Variants in FUT9 observed in about 807,000 individuals in gnomAD.
FUT9 encodes fucosyltransferase 9, also known as 4-galactosyl-N-acetylglucosaminide 3-alpha-L-fucosyltransferase 9.
In FUT9, 15 loss-of-function variants were observed where a neutral mutation model predicts 29.7. That is an observed-to-expected ratio of 0.51 (90% CI 0.34 to 0.78). The LOEUF (loss-of-function observed/expected upper bound fraction) is 0.78. Ranked by LOEUF, FUT9 falls within the 30% of genes least tolerant of loss-of-function variation. The pLI is 0.01. For missense variants in FUT9, 319 were observed against 425.4 expected, an observed-to-expected ratio of 0.75 and a Z score of 2.20; for synonymous variants, 169 against 153.7, an observed-to-expected ratio of 1.10 and a Z score of -0.74.
Position 96,211,748 on chromosome 6 carries a change from C to G in FUT9, c.*7513C>G, listed in dbSNP as rs915864337. 3.2e-5 allele frequency: 6 copies of G among 188,428 alleles called. No homozygotes were observed. The highest frequency in any genetic ancestry group is 1.4e-4 in the African/African-American group (6 of 42,350). The allele number at this position is 188,428 out of a possible 1,614,324, so 11.7% of individuals were successfully genotyped here. A position where few individuals can be genotyped will look rare whatever the true frequency, so the allele number is the denominator to read the frequency against. On this transcript the variant is annotated 3_prime_UTR_variant, in exon 3 of 3. Transcript: ENST00000302103. ...AAAAAAGTAGGCTCAAGGAAAATTTCTATTTTTCTATATGAAAAAGAGAAT... is the reference window on the plus strand; with the variant it reads ...AAAAAAGTAGGCTCAAGGAAAATTTGTATTTTTCTATATGAAAAAGAGAAT...
chr6:96,179,065 A>G (rs1773259340), intron 2 of FUT9, among the ~76,000 whole-genome samples: 1 of 152,084 alleles, frequency 6.6e-6, no homozygotes, highest in African/African-American at 2.4e-5. Flanking sequence ...CATTCTCTCA[A>G]TGCAATGAAA....
At chr6:96,100,003 A>G (rs1027233095) in intron 1 of FUT9, among the ~76,000 whole-genome samples, 4 of 152,154 alleles carry the variant, frequency 2.6e-5, no homozygotes, top group Non-Finnish European at 5.9e-5. Context: ...AAATGCTAAC[A>G]TTGGGTGAGA....
chr6:96,024,236 T>C (rs1770123438), intron 1 of FUT9, among the ~76,000 whole-genome samples: 1 of 151,812 alleles, frequency 6.6e-6, no homozygotes, highest in African/African-American at 2.4e-5. Context: ...TTTCCTGAAA[T>C]TCCCCAACAT....
chr6:96,136,591 T>C (rs1200004592), intron 2 of FUT9, among the ~76,000 whole-genome samples: 1 of 152,012 alleles, frequency 6.6e-6, no homozygotes, highest in Non-Finnish European at 1.5e-5. Flanking sequence ...TCCTTTTGAA[T>C]ACTATGTATC....
At chr6:96,037,236 C>T (rs1260935192) in intron 1 of FUT9, 2 of 151,850 alleles carry the variant, frequency 1.3e-5, no homozygotes, top group African/African-American at 4.8e-5. Flanking sequence ...TTGAATCAGT[C>T]CCATTTTTAG....
At chr6:96,141,292 A>G (rs1562140154) in intron 2 of FUT9, among the ~76,000 whole-genome samples, 1 of 152,190 alleles carries the variant, frequency 6.6e-6, no homozygotes, top group Non-Finnish European at 1.5e-5. Context: ...TTGGAATACT[A>G]CTAGTTATCA....
intron 1 of FUT9, among the ~76,000 whole-genome samples, chr6:96,058,610 C>G (rs891723449): frequency 1.3e-5 from 2 of 151,520 alleles, no homozygotes; most frequent in South Asian, 4.2e-4. Context: ...TAAAAAAATA[C>G]AAACGAATGT....
At chr6:96,050,586 T>A (rs1770648077) in intron 1 of FUT9, among the ~76,000 whole-genome samples, 1 of 152,234 alleles carries the variant, frequency 6.6e-6, no homozygotes, top group African/African-American at 2.4e-5. Context: ...TTAAAAGTAT[T>A]TAAATGCCTA....
intron 1 of FUT9, among the ~76,000 whole-genome samples, chr6:96,029,885 T>C (rs1267086804): frequency 6.6e-6 from 1 of 151,432 alleles, no homozygotes; most frequent in Non-Finnish European, 1.5e-5. Flanking sequence ...AGGTGAGAAG[T>C]GAAAGGAAAT....
chr6:96,033,854 A>G (rs1445559345), intron 1 of FUT9, among the ~76,000 whole-genome samples: 4 of 151,752 alleles, frequency 2.6e-5, no homozygotes, highest in Non-Finnish European at 3.0e-5. Context: ...ACACAAATGC[A>G]CATATACATA....
chr6:96,022,114 G>C (rs1465491127), intron 1 of FUT9, among the ~76,000 whole-genome samples: 1 of 151,960 alleles, frequency 6.6e-6, no homozygotes, highest in Non-Finnish European at 1.5e-5. Flanking sequence ...AGGAAAAATG[G>C]GGAAATCTTT....
chr6:96,167,270 T>C (rs1168575108), intron 2 of FUT9, among the ~76,000 whole-genome samples: 1 of 152,106 alleles, frequency 6.6e-6, no homozygotes, highest in Non-Finnish European at 1.5e-5. Flanking sequence ...AAAATAATAA[T>C]AAAGATCTTG....
intron 1 of FUT9, among the ~76,000 whole-genome samples, chr6:96,080,532 A>G (rs1409429546): frequency 6.6e-6 from 1 of 152,024 alleles, no homozygotes; most frequent in Non-Finnish European, 1.5e-5. Context: ...GGTATTACAA[A>G]TAAAACACTA....
intron 2 of FUT9, among the ~76,000 whole-genome samples, chr6:96,178,057 C>T (rs891492726): frequency 6.6e-6 from 1 of 152,068 alleles, no homozygotes; most frequent in Admixed American, 6.6e-5. Flanking sequence ...TGGGGTCCAC[C>T]TACACTGCCA....
At chr6:96,200,927 T>TCTAA (rs1199874330) in intron 2 of FUT9, among the ~76,000 whole-genome samples, 1 of 152,066 alleles carries the variant, frequency 6.6e-6, no homozygotes, top group Admixed American at 6.6e-5. Context: ...CTAATATTTA[T>TCTAA]TATTGCTGAA....
At chr6:96,140,021 A>C (rs1015324872) in intron 2 of FUT9, among the ~76,000 whole-genome samples, 2 of 152,202 alleles carry the variant, frequency 1.3e-5, no homozygotes, top group Admixed American at 6.5e-5. Context: ...ATCAGGCTGC[A>C]AATTTTTCAA....
intron 1 of FUT9, among the ~76,000 whole-genome samples, 167 bp from the exon 2 acceptor site, chr6:96,113,871 AT>A (rs1293895263): frequency 2.2e-5 from 3 of 139,016 alleles, no homozygotes; most frequent in South Asian, 2.5e-4. Flanking sequence ...AAAAAAAAAA[AT>A]TTAACAGAAA....
chr6:96,024,724 AG>A (rs544499742), intron 1 of FUT9, among the ~76,000 whole-genome samples: 121 of 151,870 alleles, frequency 8.0e-4, no homozygotes, highest in African/African-American at 2.5e-3. Flanking sequence ...TTCTCTGCAC[AG>A]TGTTGATAAC....
chr6:96,195,809 A>C (rs1249984712), intron 2 of FUT9, among the ~76,000 whole-genome samples: 1 of 152,216 alleles, frequency 6.6e-6, no homozygotes, highest in South Asian at 2.1e-4. Context: ...AATTATAAGC[A>C]TTCATGTAGT....
Sources: gnomAD v4.1 joint callset for allele counts (sites outside exome capture counted in the v4.1 genomes callset) on GRCh38, gnomAD v4.1.1 for gene constraint, MANE v1.5 for transcripts, NCBI Gene and HGNC (gene_info 2026-07-23, HGNC 2026-07-21) for gene names.